Variants in KCNH3 observed in about 807,000 individuals in gnomAD.
KCNH3 encodes potassium voltage-gated channel subfamily H member 3, also known as voltage-gated inwardly rectifying potassium channel KCNH3.
A neutral mutation model predicts 95.6 loss-of-function variants in KCNH3; 36 were observed. The ratio of observed to expected loss-of-function variants is 0.38; its 90% confidence interval spans 0.29 to 0.50. KCNH3 has a LOEUF of 0.50. Among genes scored for constraint, KCNH3 ranks in the 20% least tolerant of loss-of-function variants. KCNH3 has a pLI of 0.95. For synonymous variants in KCNH3, 620 were observed against 646.3 expected, an observed-to-expected ratio of 0.96 and a Z score of 0.62; for missense variants, 1,030 against 1,484.1, an observed-to-expected ratio of 0.69 and a Z score of 5.03.
At chr12:49,541,281 T>G (rs1335486311) in intron 2 of KCNH3, 149 bp downstream of exon 2, 2 of 689,644 alleles carry the variant, frequency 2.9e-6, no homozygotes, top group Non-Finnish European at 4.9e-6. Flanking sequence ...CAACCCCTCT[T>G]GCTCCATCCC....
At chr12:49,549,996 G>C in intron 9 of KCNH3, 84 bp from the exon 10 acceptor site, 1 of 1,421,962 alleles carries the variant, frequency 7.0e-7, no homozygotes, top group East Asian at 2.5e-5. Flanking sequence ...CCTGAGGCCT[G>C]CCAGGGTGGA....
intron 12 of KCNH3, 36 bp from the exon 13 acceptor site, chr12:49,556,334 T>A (rs1938441477): frequency 6.7e-7 from 1 of 1,487,424 alleles, no homozygotes; most frequent in African/African-American, 1.4e-5. Context: ...TGGCTGCCTG[T>A]CCATTGATTT....
chr12:49,549,493 G>A lies in KCNH3; in HGVS notation c.1521G>A (p.Met507Ile), dbSNP rs770189738. Residue 507 changes from methionine (M) to isoleucine (I), a missense_variant, in exon 9 of 15, where the codon ATG becomes ATA. Transcript: ENST00000257981. The part of the protein sequence containing the change: ...FGNVTAIIQR[M>I]YARRFLYHSR... ...ACGTGACGGCCATCATCCAGCGCAT[G>A]TACGCCCGCCGCTTTCTGTACCACA... is the stretch of plus-strand genomic sequence containing the variant. 4.3e-6 allele frequency: 7 copies of A among 1,613,218 alleles called. No homozygotes were observed. Among genetic ancestry groups the A allele is most frequent in the Non-Finnish European group, 5.9e-6 (7 of 1,180,026 alleles).
intron 10 of KCNH3, among the ~76,000 whole-genome samples, chr12:49,551,301 C>T (rs1287098006): frequency 2.0e-5 from 3 of 152,038 alleles, no homozygotes; most frequent in Non-Finnish European, 4.4e-5. Context: ...AAGGACCGGG[C>T]GCGGTAGCTC....
intron 11 of KCNH3, 40 bp from the exon 12 acceptor site, chr12:49,555,580 T>C: frequency 7.4e-7 from 1 of 1,351,352 alleles, no homozygotes; most frequent in South Asian, 1.4e-5. Flanking sequence ...GACACAATAG[T>C]GACCATCCAT....
chr12:49,540,215 G>T (rs1937825764), intron 1 of KCNH3, among the ~76,000 whole-genome samples: 1 of 152,114 alleles, frequency 6.6e-6, no homozygotes, highest in Non-Finnish European at 1.5e-5. Flanking sequence ...CTGATAGGGG[G>T]TGGGAGCCCA....
rs571808041 is a variant in KCNH3 at position 49,540,933 on chromosome 12, G to C, written c.111G>C (p.Ala37=). 1.9e-6 allele frequency: 3 copies of C among 1,614,174 alleles called. No homozygotes were observed. The South Asian group carries it at 3.3e-5, about 18-fold the overall frequency. ...TCGTGCTGGGCAACGCCCAGGTGGC[G>C]GGGCTCTTCCCCGTGGTCTACTGCT... ...SNFVLGNAQV[A]GLFPVVYCSD... Residue 37 remains alanine (A), a synonymous_variant, in exon 2 of 15, where the codon GCG becomes GCC. Coordinates refer to ENST00000257981, the MANE Select transcript of KCNH3 (RefSeq NM_012284.3).
chr12:49,553,093 G>A lies in KCNH3; in HGVS notation c.1919-1244G>A, dbSNP rs536805433. On this transcript the variant is annotated intron_variant, in intron 10 of 14. Transcript: ENST00000257981. The stretch of plus-strand genomic sequence containing the variant: ...CGGTGGTTGAGCTGCCTTGAGGGTA[G>A]TGAGTGCTCTGCCCAAGCCCGGACT... Among the ~76,000 whole-genome samples the A allele has an allele frequency of 9.9e-5, 15 of 152,270 alleles. 1 individual carries two copies. In the South Asian group the frequency reaches 3.1e-3, roughly 32 times the overall value.
chr12:49,553,083 C>T (rs1938318115), intron 10 of KCNH3, among the ~76,000 whole-genome samples: 1 of 152,132 alleles, frequency 6.6e-6, no homozygotes, highest in South Asian at 2.1e-4. Context: ...GTTGAGCTGC[C>T]TTGAGGGTAG....
At chr12:49,552,025 T>C (rs1046789336) in intron 10 of KCNH3, among the ~76,000 whole-genome samples, 4 of 152,252 alleles carry the variant, frequency 2.6e-5, no homozygotes, top group African/African-American at 9.6e-5. Flanking sequence ...ACATCTTTCA[T>C]GAGTCCAGCT....
Position 49,555,776 on chromosome 12 carries a change from G to A in KCNH3, c.2293G>A (p.Ala765Thr). 6.2e-7 allele frequency: 1 copy of A among 1,613,674 alleles called. No homozygotes were observed. The highest frequency in any genetic ancestry group is 8.5e-7 in the Non-Finnish European group (1 of 1,179,906). ...SPGCTSSSSA[A>T]KLLSPRRTAP... ...TGGCTGCACCTCCTCATCCTCAGCT[G>A]CCAAGCTGCTATCCCCACGTCGAAC... The change falls in exon 12 of 15, where the codon GCC becomes ACC. Residue 765 changes from alanine to threonine, a missense_variant. Physicochemically the swap from Ala to Thr is moderately conservative, Grantham distance 58 (BLOSUM62 0). Around this residue, in one of 9 missense-constraint regions of KCNH3, gnomAD observed 464 missense variants for 493.2 expected, o/e 0.94. Transcript: ENST00000257981.
chr12:49,551,591 A>G (rs994279789), intron 10 of KCNH3, among the ~76,000 whole-genome samples: 7 of 150,300 alleles, frequency 4.7e-5, no homozygotes, highest in South Asian at 2.1e-4. Context: ...AAAAAAAAAA[A>G]AAAAAAAGAA....
At position 49,539,354 on chromosome 12, in the gene KCNH3, C is replaced by T. The variant is rs1201509204; in HGVS notation, c.-63C>T. ...GGCGGGGGGCGGCCGAGCTGGGCGC[C>T]CTCCCCCGGCGCGGAGTCCCCGCAC... On this transcript the variant is annotated 5_prime_UTR_variant, in exon 1 of 15. Transcript: ENST00000257981. This position sits in a 1 kb window ranked among gnomAD's most constrained non-coding sequence, Gnocchi z 6.7. 34 of 1,130,740 alleles carry T rather than the reference C, an allele frequency of 3.0e-5. No homozygotes were observed. Among genetic ancestry groups the T allele is most frequent in the Admixed American group, 1.3e-4 (3 of 23,434 alleles). 70.0% of individuals were successfully genotyped at this position (1,130,740 alleles called of 1,614,324 possible).
At chr12:49,547,244 C>T (rs1002759528) in intron 7 of KCNH3, among the ~76,000 whole-genome samples, 2 of 152,132 alleles carry the variant, frequency 1.3e-5, no homozygotes, top group African/African-American at 4.8e-5. Flanking sequence ...GAAGGTGAGC[C>T]CCCACCTTGG....
chr12:49,552,781 C>T (rs1211185497), intron 10 of KCNH3, among the ~76,000 whole-genome samples: 4 of 152,178 alleles, frequency 2.6e-5, no homozygotes, highest in Non-Finnish European at 5.9e-5. Flanking sequence ...ACAAGAAGCA[C>T]GTGCTTATTC....
At chr12:49,543,871 G>GC (rs11337899) in intron 5 of KCNH3, 44 bp from the exon 6 acceptor site, 47 of 1,578,862 alleles carry the variant, frequency 3.0e-5, no homozygotes, top group East Asian at 2.5e-4. Context: ...AAGAGTGGCT[G>GC]CCCCCCCAGC....
chr12:49,555,216 G>A (rs1938392997), intron 11 of KCNH3, among the ~76,000 whole-genome samples: 1 of 151,426 alleles, frequency 6.6e-6, no homozygotes, highest in African/African-American at 2.4e-5. Flanking sequence ...TGAGGCGGGT[G>A]GATCACGAGG....
At chr12:49,556,342 T>G in intron 12 of KCNH3, 28 bp from the exon 13 acceptor site, 8 of 1,529,784 alleles carry the variant, frequency 5.2e-6, no homozygotes, top group African/African-American at 1.4e-5. Context: ...TGTCCATTGA[T>G]TTGTTGTCCT....
At position 49,539,174 on chromosome 12, in the gene KCNH3, C is replaced by T. The variant is rs2138133026; in HGVS notation, c.-243C>T. ...AGCGCGGCGGCCGCGGGGCCTGGAG[C>T]CCGGGATTTGTGGGCGGCGAGGGCG... On this transcript the variant is annotated 5_prime_UTR_variant, in exon 1 of 15. Coordinates refer to ENST00000257981, the MANE Select transcript of KCNH3 (RefSeq NM_012284.3). The surrounding 1 kb of genome is among the most constrained non-coding windows in gnomAD (Gnocchi z 6.7). 1 of 155,536 alleles carries T rather than the reference C, an allele frequency of 6.4e-6. No individual in the cohort carries two copies. The allele number at this position is 155,536 out of a possible 1,614,324, so 9.6% of individuals were successfully genotyped here. A position where few individuals can be genotyped will look rare whatever the true frequency, so the allele number is the denominator to read the frequency against.
Sources: gnomAD v4.1 joint callset for allele counts (sites outside exome capture counted in the v4.1 genomes callset) on GRCh38, gnomAD v4.1.1 for gene constraint, gnomAD v4.1.1 regional missense constraint, Gnocchi (gnomAD v3.1) non-coding constraint, MANE v1.5 for transcripts, NCBI Gene and HGNC (gene_info 2026-07-23, HGNC 2026-07-21) for gene names.